ADAMTS9: variants seen among roughly 807,000 people sequenced by gnomAD.
ADAMTS9 encodes the protein A disintegrin and metalloproteinase with thrombospondin motifs 9.
ADAMTS9 carries 107 observed loss-of-function variants against 257.1 expected under a neutral mutation model. The observed-to-expected ratio is 0.42, with a 90% CI of 0.36 to 0.49. The LOEUF (loss-of-function observed/expected upper bound fraction) is 0.49, where lower values mean the gene tolerates loss of function less well. ADAMTS9 is among the 20% of genes least tolerant of loss of function. The pLI is 0.03. For synonymous variants in ADAMTS9, 982 were observed against 880.9 expected, an observed-to-expected ratio of 1.11 and a Z score of -2.03; for missense variants, 2,353 against 2,469.1, an observed-to-expected ratio of 0.95 and a Z score of 1.00.
chr3:64,608,258 C>CAAAAAAAAAAAAAAAAAAAAAA (rs57247914), intron 22 of ADAMTS9, among the ~76,000 whole-genome samples: 2 of 53,312 alleles, frequency 3.8e-5, no homozygotes, highest in Non-Finnish European at 7.9e-5. Context: ...AAACTAAAAC[C>CAAAAAAAAAAAAAAAAAAAAAA]AAAAAAAAAA....
intron 28 of ADAMTS9, among the ~76,000 whole-genome samples, chr3:64,569,806 T>C (rs1559769192): frequency 6.6e-6 from 1 of 152,254 alleles, no homozygotes; most frequent in African/African-American, 2.4e-5. Context: ...ATTTGAGCTC[T>C]AATCTTATGA....
At position 64,613,496 on chromosome 3, in the gene ADAMTS9, C is replaced by T; in HGVS notation, c.3203G>A (p.Cys1068Tyr). The change falls in exon 22 of 40, where the codon TGT becomes TAT. Residue 1068 changes from cysteine (C) to tyrosine (Y), a missense_variant. By Grantham distance (194) the Cys-to-Tyr change is radical (BLOSUM62 -2). Transcript: ENST00000498707. ...SGDWSECLVT[C>Y]GKGHKHRQVW... ...CTGGCGGTGCTTATGCCCTTTTCCA[C>T]AGGTGACCAAGCACTGTAATGAAAA... The T allele has an allele frequency of 6.2e-7, 1 of 1,613,386 alleles. No individual in the cohort carries two copies. Among genetic ancestry groups the T allele is most frequent in the Non-Finnish European group, 8.5e-7 (1 of 1,179,634 alleles).
chr3:64,556,404 T>C (rs1404567910), intron 30 of ADAMTS9, among the ~76,000 whole-genome samples: 3 of 152,210 alleles, frequency 2.0e-5, no homozygotes, highest in Admixed American at 1.3e-4. Context: ...CACTGCAGCA[T>C]TGACCTCCTG....
intron 14 of ADAMTS9, among the ~76,000 whole-genome samples, chr3:64,632,369 A>C (rs561008942): frequency 7.2e-5 from 11 of 152,350 alleles, no homozygotes; most frequent in South Asian, 4.1e-4. Context: ...TGTCCACTCC[A>C]GACTATTGCT....
Position 64,654,554 on chromosome 3 carries a change from T to C in ADAMTS9, c.1210+18A>G, listed in dbSNP as rs1348511918. ...GTAAAACGGTTTTAGCCATAGAAGA[T>C]ACGCACAGAGAACTCACCTAAGGTA... is the stretch of plus-strand genomic sequence containing the variant. On this transcript the variant is annotated intron_variant, in intron 7 of 39. Coordinates refer to ENST00000498707, the MANE Select transcript of ADAMTS9 (RefSeq NM_182920.2). 3 of 1,613,892 alleles carry C rather than the reference T, an allele frequency of 1.9e-6. No individual in the cohort carries two copies. Among genetic ancestry groups the C allele is most frequent in the African/African-American group, 2.7e-5 (2 of 74,902 alleles).
At chr3:64,657,693 A>T (rs1051167178) in intron 4 of ADAMTS9, among the ~76,000 whole-genome samples, 1 of 151,656 alleles carries the variant, frequency 6.6e-6, no homozygotes, top group Non-Finnish European at 1.5e-5. Context: ...AAAATTAGGA[A>T]TTTTTTTTAA....
intron 28 of ADAMTS9, chr3:64,589,392 G>C (rs1036558211): frequency 6.6e-6 from 1 of 152,158 alleles, no homozygotes; most frequent in African/African-American, 2.4e-5. Context: ...AACATAGGTT[G>C]TTTCTTTCTG....
In ADAMTS9 at chr3:64,681,189, A is replaced by G; in HGVS notation, c.679+12T>C. The G allele has an allele frequency of 6.2e-7, 1 of 1,609,208 alleles. No homozygotes were observed. Among genetic ancestry groups the G allele is most frequent in the Non-Finnish European group, 8.5e-7 (1 of 1,178,456 alleles). On this transcript the variant is annotated intron_variant, in intron 3 of 39. Transcript: ENST00000498707. ...AAGAGCTGGGCTCTCCGCTTAAGCA[A>G]GAAGCAAATACCTGAGGTGTCACAT...
chr3:64,604,295 C>T lies in ADAMTS9; in HGVS notation c.3511G>A (p.Ala1171Thr), dbSNP rs1161666388. ...TATGTGCTTCTCCTCGTTTCCGGGG[C>T]AGCTGGGGGAGGATGACATGATGGT... ...ELPSCHPPPA[A>T]PETRRSTYSA... is the part of the protein sequence containing the mutation. Residue 1171 changes from alanine to threonine, a missense_variant, in exon 24 of 40, where the codon GCC (alanine) becomes ACC (threonine). Physicochemically the swap from Ala to Thr is moderately conservative, Grantham distance 58. This residue lies in a region of ADAMTS9 where 1,402 missense variants were observed against 1,441.4 expected (regional missense o/e 0.97). Transcript: ENST00000498707. 6.2e-7 allele frequency: 1 copy of T among 1,613,080 alleles called. No homozygotes were observed. The highest frequency in any genetic ancestry group is 2.2e-5 in the East Asian group (1 of 44,850).
intron 11 of ADAMTS9, among the ~76,000 whole-genome samples, chr3:64,643,445 A>ATTTTTTTT (rs57471985): frequency 6.5e-5 from 4 of 61,408 alleles, no homozygotes; most frequent in African/African-American, 2.8e-4. Context: ...TTACTCAATA[A>ATTTTTTTT]TTTTTTTTTT....
At chr3:64,637,965 C>T (rs959382526) in intron 12 of ADAMTS9, among the ~76,000 whole-genome samples, 1 of 152,210 alleles carries the variant, frequency 6.6e-6, no homozygotes, top group African/African-American at 2.4e-5. Flanking sequence ...CAGAAAAAGC[C>T]TTGCTGTAAT....
chr3:64,657,810 G>A (rs1228291698), intron 4 of ADAMTS9, among the ~76,000 whole-genome samples: 2 of 152,148 alleles, frequency 1.3e-5, no homozygotes, highest in African/African-American at 2.4e-5. Context: ...CACTGGGAAG[G>A]GGCCTGGAAG....
chr3:64,544,836 A>C lies in ADAMTS9; in HGVS notation c.5064+1922T>G, dbSNP rs565061588. 2.0e-5 allele frequency among the ~76,000 whole-genome samples: 3 copies of C among 152,338 alleles called. No homozygotes were observed. The East Asian group carries it at 5.8e-4, about 29-fold the overall frequency. ...ATCAGAGTGAACAGGCAACCTACAG[A>C]ATGGGAGAAAATTTTTACAATCTAC... is the stretch of plus-strand genomic sequence containing the variant. On this transcript the variant is annotated intron_variant, in intron 32 of 39. Coordinates refer to ENST00000498707, the MANE Select transcript of ADAMTS9 (RefSeq NM_182920.2).
At chr3:64,620,533 C>A (rs1700079242) in intron 19 of ADAMTS9, among the ~76,000 whole-genome samples, 1 of 152,158 alleles carries the variant, frequency 6.6e-6, no homozygotes, top group South Asian at 2.1e-4. Flanking sequence ...ACCTTGCAGG[C>A]AAATAGAAAA....
In ADAMTS9 at chr3:64,536,131, G is replaced by A. The variant is rs538387152; in HGVS notation, c.5614-2861C>T. Among the ~76,000 whole-genome samples, 11 of 152,246 alleles carry A rather than the reference G, an allele frequency of 7.2e-5. No individual in the cohort carries two copies. In the South Asian group the frequency reaches 8.3e-4, roughly 11 times the overall value. On this transcript the variant is annotated intron_variant, in intron 37 of 39. Coordinates refer to ENST00000498707, the MANE Select transcript of ADAMTS9 (RefSeq NM_182920.2). Reference sequence around the variant, plus strand: ...GTGTCTGAACATGCTCAATATATACGTCTACTAAGTCTGCCTTCCCAGAGG... The same window carrying A: ...GTGTCTGAACATGCTCAATATATACATCTACTAAGTCTGCCTTCCCAGAGG...
At chr3:64,624,386 T>A (rs1700179326) in intron 16 of ADAMTS9, among the ~76,000 whole-genome samples, 1 of 152,110 alleles carries the variant, frequency 6.6e-6, no homozygotes, top group African/African-American at 2.4e-5. Flanking sequence ...TTTTGGTGAT[T>A]ATTTCACACT....
intron 28 of ADAMTS9, among the ~76,000 whole-genome samples, chr3:64,581,424 G>A (rs1369483085): frequency 6.6e-6 from 1 of 151,946 alleles, no homozygotes; most frequent in East Asian, 1.9e-4. Context: ...TTGTGAGACT[G>A]GCTAATTTTT....
At chr3:64,637,716 G>A (rs899976722) in intron 12 of ADAMTS9, among the ~76,000 whole-genome samples, 1 of 152,214 alleles carries the variant, frequency 6.6e-6, no homozygotes, top group African/African-American at 2.4e-5. Flanking sequence ...AGAAGGTAGT[G>A]TAATTCCTGT....
In ADAMTS9 at chr3:64,538,725, T is replaced by C. The variant is rs150794634; in HGVS notation, c.5613+478A>G. Among the ~76,000 whole-genome samples, 44 of 152,312 alleles carry C rather than the reference T, an allele frequency of 2.9e-4. No individual in the cohort carries two copies. In the East Asian group the frequency reaches 8.1e-3, roughly 28 times the overall value. ...GGCTTTTGAGAGTCAACTGTCTGCC[T>C]TCTTCCTAGCCCTCCATTTAGTGAC... is the stretch of plus-strand genomic sequence containing the variant. On this transcript the variant is annotated intron_variant, in intron 37 of 39. Coordinates refer to ENST00000498707, the MANE Select transcript of ADAMTS9 (RefSeq NM_182920.2).
Sources: gnomAD v4.1 joint callset for allele counts (sites outside exome capture counted in the v4.1 genomes callset) on GRCh38, gnomAD v4.1.1 for gene constraint, gnomAD v4.1.1 regional missense constraint, MANE v1.5 for transcripts, NCBI Gene and HGNC (gene_info 2026-07-23, HGNC 2026-07-21) for gene names.